Variants in MAST4 observed in about 807,000 individuals in gnomAD.
The protein encoded by MAST4 is microtubule-associated serine/threonine-protein kinase 4.
A neutral mutation model predicts 162.7 loss-of-function variants in MAST4; 89 were observed. The ratio of observed to expected loss-of-function variants is 0.55; its 90% confidence interval spans 0.46 to 0.65. The LOEUF is 0.65. Ranked by LOEUF, MAST4 falls within the 30% of genes least tolerant of loss-of-function variation. MAST4 has a pLI of 0.00. For synonymous variants in MAST4, 1,479 were observed against 1,361.1 expected (o/e 1.09, Z -1.91); for missense variants, 3,153 against 3,374.0 (o/e 0.93, Z 1.62).
chr5:67,153,412 G>A (rs1378325039), intron 25 of MAST4, 46 bp from the exon 26 acceptor site: 2 of 1,572,822 alleles, frequency 1.3e-6, no homozygotes, highest in African/African-American at 1.3e-5. Context: ...AGGTGTTAGA[G>A]TAGTCATTTG....
At chr5:66,959,676 A>G (rs1745762754) in intron 4 of MAST4, among the ~76,000 whole-genome samples, 1 of 152,240 alleles carries the variant, frequency 6.6e-6, no homozygotes, top group Non-Finnish European at 1.5e-5. Context: ...ATTGAATAAT[A>G]GAAGACATTA....
intron 4 of MAST4, among the ~76,000 whole-genome samples, chr5:67,017,605 C>CTTT (rs34059850): frequency 8.1e-5 from 11 of 135,030 alleles, no homozygotes; most frequent in Non-Finnish European, 1.1e-4. Flanking sequence ...TTTTTCTTTT[C>CTTT]TTTTTTTTTT....
chr5:66,934,041 T>C (rs1318761856), intron 4 of MAST4, among the ~76,000 whole-genome samples: 3 of 152,072 alleles, frequency 2.0e-5, no homozygotes, highest in Non-Finnish European at 2.9e-5. Context: ...AACTTCTGTG[T>C]TTAACAGTTT....
At chr5:66,788,607 C>CCAACAAAAA in intron 2 of MAST4, 63 bp from the exon 3 acceptor site, 1 of 1,373,726 alleles carries the variant, frequency 7.3e-7, no homozygotes, top group Non-Finnish European at 1.0e-6. Flanking sequence ...CCCCCACCCC[C>CCAACAAAAA]ATTGCAATAA....
intron 11 of MAST4, among the ~76,000 whole-genome samples, chr5:67,111,684 GA>G (rs1379530356): frequency 6.6e-6 from 1 of 152,178 alleles, no homozygotes; most frequent in Non-Finnish European, 1.5e-5. Context: ...TAATTTAGGG[GA>G]AAGTGTCATT....
intron 5 of MAST4, among the ~76,000 whole-genome samples, chr5:67,076,615 C>T (rs1404257595): frequency 1.3e-5 from 2 of 152,110 alleles, no homozygotes; most frequent in Non-Finnish European, 2.9e-5. Context: ...TGACCCCCCT[C>T]CCCAGTGCCA....
chr5:66,853,462 C>A (rs999177881), intron 3 of MAST4, among the ~76,000 whole-genome samples: 1 of 152,130 alleles, frequency 6.6e-6, no homozygotes, highest in Non-Finnish European at 1.5e-5. Flanking sequence ...TGAGAAAGAA[C>A]CCTCCTGTTT....
chr5:66,819,119 G>C (rs1398660837), intron 3 of MAST4, among the ~76,000 whole-genome samples: 6 of 152,176 alleles, frequency 3.9e-5, no homozygotes, highest in African/African-American at 1.4e-4. Flanking sequence ...CTAGTTGGCA[G>C]GTGGCAGCCT....
chr5:66,637,011 T>A (rs1311304415), intron 1 of MAST4, among the ~76,000 whole-genome samples: 1 of 152,224 alleles, frequency 6.6e-6, no homozygotes, highest in Non-Finnish European at 1.5e-5. Flanking sequence ...CTGGAGATAA[T>A]GCCACTGTGG....
chr5:67,008,347 C>A (rs893310065), intron 4 of MAST4, among the ~76,000 whole-genome samples: 4 of 152,218 alleles, frequency 2.6e-5, no homozygotes, highest in African/African-American at 9.6e-5. Flanking sequence ...AGTTGGCCTG[C>A]ATTCATGTCA....
At chr5:66,866,458 T>C (rs1295812765) in intron 3 of MAST4, among the ~76,000 whole-genome samples, 1 of 152,240 alleles carries the variant, frequency 6.6e-6, no homozygotes, top group Non-Finnish European at 1.5e-5. Flanking sequence ...TTCTGATCCC[T>C]ATTTTGATAG....
chr5:67,133,499 CCGT>C lies in MAST4; in HGVS notation c.2094-13_2094-11del, dbSNP rs778788749. On this transcript the variant is annotated splice_polypyrimidine_tract_variant and intron_variant, in intron 16 of 28. Transcript: ENST00000403625. ...ATAAAGTGATTATTGTGTTACATGT[CCGT>C]CTGCCTCATAGCTTGTTGGTTACCT... is the stretch of plus-strand genomic sequence containing the variant. The C allele has an allele frequency of 1.3e-5, 21 of 1,611,902 alleles. No homozygotes were observed. Among genetic ancestry groups the C allele is most frequent in the Middle Eastern group, 1.7e-4 (1 of 6,044 alleles).
chr5:67,143,068 G>A (rs570859100), intron 21 of MAST4: 4 of 152,552 alleles, frequency 2.6e-5, no homozygotes, highest in African/African-American at 9.6e-5. Flanking sequence ...AACAAAAGGA[G>A]AAGGCTCAGT....
intron 4 of MAST4, among the ~76,000 whole-genome samples, chr5:66,983,218 G>GA (rs1749075693): frequency 6.6e-6 from 1 of 152,130 alleles, no homozygotes; most frequent in Non-Finnish European, 1.5e-5. Flanking sequence ...TCTGCTCTAG[G>GA]CAGCATTTGT....
At chr5:66,618,559 T>C (rs1254968121) in intron 1 of MAST4, among the ~76,000 whole-genome samples, 1 of 152,236 alleles carries the variant, frequency 6.6e-6, no homozygotes, top group Non-Finnish European at 1.5e-5. Flanking sequence ...CCTAACCTGT[T>C]GGATGAACAT....
chr5:67,154,605 T>C (rs913871993), intron 26 of MAST4, among the ~76,000 whole-genome samples: 1 of 152,226 alleles, frequency 6.6e-6, no homozygotes, highest in Non-Finnish European at 1.5e-5. Context: ...CTCATCTGGC[T>C]ACGGAGCACC....
intron 2 of MAST4, among the ~76,000 whole-genome samples, chr5:66,772,689 G>A (rs1050044208): frequency 6.6e-6 from 1 of 152,156 alleles, no homozygotes; most frequent in African/African-American, 2.4e-5. Context: ...TTTTACTGCT[G>A]TTTTAGGGTG....
chr5:66,800,381 T>C (rs1055952072), intron 3 of MAST4, among the ~76,000 whole-genome samples: 4 of 152,212 alleles, frequency 2.6e-5, no homozygotes, highest in Non-Finnish European at 5.9e-5. Flanking sequence ...AACAAGATCA[T>C]GTCCTTTGCA....
chr5:66,653,119 A>G (rs1746333362), intron 1 of MAST4, among the ~76,000 whole-genome samples: 1 of 152,204 alleles, frequency 6.6e-6, no homozygotes, highest in Admixed American at 6.5e-5. Flanking sequence ...AAGTGTTACC[A>G]GTTGGTATAA....
Sources: allele counts gnomAD v4.1 joint callset (sites outside exome capture counted in the v4.1 genomes callset), GRCh38; gene constraint gnomAD v4.1.1; transcripts MANE v1.5; gene names NCBI Gene and HGNC (gene_info 2026-07-23, HGNC 2026-07-21).